Variants in SOX7 observed in about 807,000 individuals in gnomAD.
The protein encoded by SOX7 is transcription factor SOX-7.
SOX7 carries 19 observed loss-of-function variants against 24.9 expected under a neutral mutation model. The ratio of observed to expected loss-of-function variants is 0.76; its 90% CI spans 0.53 to 1.12. SOX7 has a LOEUF of 1.12. Among genes scored for constraint, SOX7 ranks in the 50% most tolerant of loss-of-function variants. The probability of loss-of-function intolerance (pLI) is 0.00; values close to 1 mark genes in which losing one functional copy is unlikely to be tolerated. For synonymous variants in SOX7, 327 were observed against 244.5 expected, an observed-to-expected ratio of 1.34 and a Z score of -3.15; for missense variants, 702 against 535.0, an observed-to-expected ratio of 1.31 and a Z score of -3.08.
rs1440668217 is a variant in SOX7 at position 10,725,686 on chromosome 8, A to G, written c.*52T>C. Reference sequence around the variant, plus strand: ...GGCTGGACGGCTCCTCTGCCACTCAAGGCACAAGAAGGAGAGGGCGCGAGG... The same window carrying G: ...GGCTGGACGGCTCCTCTGCCACTCAGGGCACAAGAAGGAGAGGGCGCGAGG... On this transcript the variant is annotated 3_prime_UTR_variant, in exon 2 of 2. Transcript: ENST00000304501. 5.8e-5 allele frequency: 93 copies of G among 1,593,112 alleles called. No homozygotes were observed. The highest frequency in any genetic ancestry group is 8.4e-5 in the Admixed American group (5 of 59,702).
rs770335483 is a variant in SOX7 at position 10,726,533 on chromosome 8, C to A, written c.372G>T (p.Arg124=). 1.2e-6 allele frequency: 2 copies of A among 1,612,456 alleles called. No homozygotes were observed. The highest frequency in any genetic ancestry group is 2.2e-5 in the East Asian group (1 of 44,870). The change falls in exon 2 of 2, where the codon CGG becomes CGT. Residue 124 remains arginine (R), a synonymous_variant. Transcript: ENST00000304501. ...YRPRRKKQAK[R]LCKRVDPGFL... ...AGCCCGGGTCCACGCGCTTGCACAG[C>A]CGCTTGGCCTGCTTCTTCCTGCGCG...
rs1414834208 is a variant in SOX7 at position 10,725,365 on chromosome 8, C to T, written c.*373G>A. 6 of 253,374 alleles carry T rather than the reference C, an allele frequency of 2.4e-5. No individual in the cohort carries two copies. In the East Asian group the frequency reaches 5.2e-4, roughly 22 times the overall value. The allele number at this position is 253,374 out of a possible 1,614,324, so 15.7% of individuals were successfully genotyped here. On this transcript the variant is annotated 3_prime_UTR_variant, in exon 2 of 2. Coordinates refer to ENST00000304501, the MANE Select transcript of SOX7 (RefSeq NM_031439.4). ...TTCCTTTATTAATCTTGAGAGAACC[C>T]TAAATCAGAAAACTGGACCAGAAGG...
At chr8:10,729,091 A>G (rs976332538) in intron 1 of SOX7, among the ~76,000 whole-genome samples, 6 of 152,202 alleles carry the variant, frequency 3.9e-5, no homozygotes, top group African/African-American at 1.4e-4. Flanking sequence ...ACTGCTTTGC[A>G]CAGCAGCTAA....
rs1456928797 is a variant in SOX7, at chr8:10,726,213, G to A, written c.692C>T (p.Pro231Leu). Reference sequence around the variant, plus strand: ...CCCTGGCAGGTGGGGGATGCGGCGGGGATGGCCATGCTCCTCCTGGCAGGG... The same window carrying A: ...CCCTGGCAGGTGGGGGATGCGGCGGAGATGGCCATGCTCCTCCTGGCAGGG... ...SSPCQEEHGH[P>L]RRIPHLPGHP... The change falls in exon 2 of 2, where the codon CCC becomes CTC. Residue 231 changes from proline (P) to leucine (L), a missense_variant. Coordinates refer to ENST00000304501, the MANE Select transcript of SOX7 (RefSeq NM_031439.4). 1.2e-6 allele frequency: 2 copies of A among 1,612,196 alleles called. No individual in the cohort carries two copies. The highest frequency in any genetic ancestry group is 8.5e-7 in the Non-Finnish European group (1 of 1,178,812).
chr8:10,729,387 A>C (rs1376041234), intron 1 of SOX7: 1 of 152,232 alleles, frequency 6.6e-6, no homozygotes, highest in Non-Finnish European at 1.5e-5. Flanking sequence ...AAAGGCAAAG[A>C]AGGCAGGGTT....
Position 10,727,927 on chromosome 8 carries a change from G to A in SOX7, c.239-1261C>T, listed in dbSNP as rs1387208065. ...CAGTGCCTCCGTTGACTGGCTCCTT[G>A]GGCCAGGGGCTCAGAGCCAGGGGAG... On this transcript the variant is annotated intron_variant, in intron 1 of 1. Transcript: ENST00000304501. Among the ~76,000 whole-genome samples the A allele has an allele frequency of 2.0e-5, 3 of 152,246 alleles. No homozygotes were observed. In the South Asian group the frequency reaches 6.2e-4, roughly 32 times the overall value.
chr8:10,730,173 C>A lies in SOX7; in HGVS notation c.238+23G>T, dbSNP rs778205959. ...CGCCGCCCGCCCCCGGCCCCCAGCC[C>A]GCTCGGCCGCGCGCTCACTCACCCA... On this transcript the variant is annotated intron_variant, in intron 1 of 1. Coordinates refer to ENST00000304501, the MANE Select transcript of SOX7 (RefSeq NM_031439.4). This position sits in a 1 kb window ranked among gnomAD's most constrained non-coding sequence, Gnocchi z 4.8. The A allele has an allele frequency of 2.0e-6, 3 of 1,487,720 alleles. No individual in the cohort carries two copies. Among genetic ancestry groups the A allele is most frequent in the Non-Finnish European group, 2.7e-6 (3 of 1,124,594 alleles). The allele number at this position is 1,487,720 out of a possible 1,614,324, so 92.2% of individuals were successfully genotyped here.
chr8:10,727,824 G>T (rs539097279), intron 1 of SOX7, among the ~76,000 whole-genome samples: 1 of 152,334 alleles, frequency 6.6e-6, no homozygotes, highest in African/African-American at 2.4e-5. Flanking sequence ...AGAGGTTAAG[G>T]CCTAAGGAAA....
Position 10,725,677 on chromosome 8 carries a change from T to C in SOX7, c.*61A>G, listed in dbSNP as rs2129062846. ...AGCTGGTGTGGCTGGACGGCTCCTC[T>C]GCCACTCAAGGCACAAGAAGGAGAG... On this transcript the variant is annotated 3_prime_UTR_variant, in exon 2 of 2. Transcript: ENST00000304501. The C allele has an allele frequency of 1.3e-6, 2 of 1,579,278 alleles. No individual in the cohort carries two copies. Among genetic ancestry groups the C allele is most frequent in the South Asian group, 2.2e-5 (2 of 89,394 alleles).
rs28438834 is a variant in SOX7, at chr8:10,730,453, C to G, written c.-20G>C. 6 of 1,435,168 alleles carry G rather than the reference C, an allele frequency of 4.2e-6. No homozygotes were observed. The highest frequency in any genetic ancestry group is 2.9e-5 in the South Asian group (2 of 68,172). The allele number at this position is 1,435,168 out of a possible 1,614,324, so 88.9% of individuals were successfully genotyped here. ...AGCCATGGCCGCACGCGGGTCGCCTCGCTTCGCCTGGCGGGGCAGGCGCGG... is the reference window on the plus strand; with the variant it reads ...AGCCATGGCCGCACGCGGGTCGCCTGGCTTCGCCTGGCGGGGCAGGCGCGG... On this transcript the variant is annotated 5_prime_UTR_variant, in exon 1 of 2. Coordinates refer to ENST00000304501, the MANE Select transcript of SOX7 (RefSeq NM_031439.4). The surrounding 1 kb of genome is among the most constrained non-coding windows in gnomAD (Gnocchi z 4.8).
Position 10,725,111 on chromosome 8 carries a change from T to G in SOX7, c.*627A>C, listed in dbSNP as rs1800115102. On this transcript the variant is annotated 3_prime_UTR_variant, in exon 2 of 2. Transcript: ENST00000304501. ...TTTAAAATGTATATTTAAAATAAAA[T>G]AGTTTTAACTCAATCCCATTTTCTG... 6.5e-6 allele frequency: 1 copy of G among 153,046 alleles called. No homozygotes were observed. The highest frequency in any genetic ancestry group is 6.5e-5 in the Admixed American group (1 of 15,426). 9.5% of individuals were successfully genotyped at this position (153,046 alleles called of 1,614,324 possible).
In SOX7 at chr8:10,725,654, C is replaced by A; in HGVS notation, c.*84G>T. The A allele has an allele frequency of 6.9e-7, 1 of 1,452,736 alleles. No individual in the cohort carries two copies. Among genetic ancestry groups the A allele is most frequent in the South Asian group, 1.2e-5 (1 of 82,584 alleles). 90.0% of individuals were successfully genotyped at this position (1,452,736 alleles called of 1,614,324 possible). A position where few individuals can be genotyped will look rare whatever the true frequency, so the allele number is the denominator to read the frequency against. On this transcript the variant is annotated 3_prime_UTR_variant, in exon 2 of 2. Transcript: ENST00000304501. ...CCTGCCCTGAGCGGTGGGAGGAAAGCTGGTGTGGCTGGACGGCTCCTCTGC... is the reference window on the plus strand; with the variant it reads ...CCTGCCCTGAGCGGTGGGAGGAAAGATGGTGTGGCTGGACGGCTCCTCTGC...
intron 1 of SOX7, among the ~76,000 whole-genome samples, chr8:10,728,214 A>G (rs1800192660): frequency 1.3e-5 from 2 of 152,218 alleles, no homozygotes; most frequent in African/African-American, 2.4e-5. Context: ...CCTGGATGTT[A>G]TATAACTAAT....
In SOX7 at chr8:10,726,247, A is replaced by T. The variant is rs752109286; in HGVS notation, c.658T>A (p.Phe220Ile). Residue 220 changes from phenylalanine (F) to isoleucine (I), a missense_variant, in exon 2 of 2, where the codon TTC becomes ATC. Physicochemically the swap from Phe to Ile is conservative, Grantham distance 21. Coordinates refer to ENST00000304501, the MANE Select transcript of SOX7 (RefSeq NM_031439.4). ...TGCTCCTCCTGGCAGGGGGAGGAGA[A>T]GAAGGTCTGCTCCGGCTCCAGCACG... Reference protein sequence around the residue: ...LDVLEPEQTFFSSPCQEEHGH... With the variant: ...LDVLEPEQTFISSPCQEEHGH... 6.2e-7 allele frequency: 1 copy of T among 1,613,752 alleles called. No individual in the cohort carries two copies. Among genetic ancestry groups the T allele is most frequent in the South Asian group, 1.1e-5 (1 of 91,066 alleles).
intron 1 of SOX7, chr8:10,729,499 G>A (rs546122259): frequency 6.6e-6 from 1 of 152,278 alleles, no homozygotes; most frequent in Non-Finnish European, 1.5e-5. Flanking sequence ...CTTGGACCTG[G>A]TGAGTCCGTG....
intron 1 of SOX7, among the ~76,000 whole-genome samples, chr8:10,728,485 T>C (rs774243660): frequency 1.3e-5 from 2 of 152,200 alleles, no homozygotes; most frequent in Admixed American, 6.5e-5. Flanking sequence ...CAAGTCCATA[T>C]TGTGAAAAGC....
rs749906964 is a variant in SOX7 at position 10,725,821 on chromosome 8, G to T, written c.1084C>A (p.Pro362Thr). The change falls in exon 2 of 2, where the codon CCA (proline) becomes ACA (threonine). Residue 362 changes from proline to threonine, a missense_variant. Physicochemically the swap from Pro to Thr is conservative, Grantham distance 38. Coordinates refer to ENST00000304501, the MANE Select transcript of SOX7 (RefSeq NM_031439.4). ...AGGCTGGTCTCTGTGGGACCCGTTG[G>T]TGTCACCTGGGAGACCGGAACATGC... ...SGHVPVSQVTPTGPTETSLIS... is the reference protein window; with the variant it reads ...SGHVPVSQVTTTGPTETSLIS... 2 of 1,614,238 alleles carry T rather than the reference G, an allele frequency of 1.2e-6. No individual in the cohort carries two copies. Among genetic ancestry groups the T allele is most frequent in the South Asian group, 2.2e-5 (2 of 91,080 alleles).
rs1190726090 is a variant in SOX7, at chr8:10,725,529, G to A, written c.*209C>T. 1.7e-6 allele frequency: 1 copy of A among 596,118 alleles called. No individual in the cohort carries two copies. Among genetic ancestry groups the A allele is most frequent in the African/African-American group, 1.9e-5 (1 of 53,704 alleles). 36.9% of individuals were successfully genotyped at this position (596,118 alleles called of 1,614,324 possible). ...ACTTGAAGGAATATACTTAAAATGT[G>A]GGCTGCAGGGGCTGGAACGTGGGGA... is the stretch of plus-strand genomic sequence containing the variant. On this transcript the variant is annotated 3_prime_UTR_variant, in exon 2 of 2. Coordinates refer to ENST00000304501, the MANE Select transcript of SOX7 (RefSeq NM_031439.4).
At position 10,724,414 on chromosome 8, in the gene SOX7, G is replaced by C. The variant is rs1403143066; in HGVS notation, c.*1324C>G. On this transcript the variant is annotated 3_prime_UTR_variant, in exon 2 of 2. Transcript: ENST00000304501. ...TCAGTTAGGGACCAGTTCAGCAGTG[G>C]AGGAAGAGCAGAAAGAAGAGAAAAA... 12 of 152,446 alleles carry C rather than the reference G, an allele frequency of 7.9e-5. No homozygotes were observed. Among genetic ancestry groups the C allele is most frequent in the African/African-American group, 2.9e-4 (12 of 41,578 alleles). The allele number at this position is 152,446 out of a possible 1,614,324, so 9.4% of individuals were successfully genotyped here.
Sources: allele counts gnomAD v4.1 joint callset (sites outside exome capture counted in the v4.1 genomes callset), GRCh38; gene constraint gnomAD v4.1.1; non-coding constraint Gnocchi (gnomAD v3.1); transcripts MANE v1.5; gene names NCBI Gene and HGNC (gene_info 2026-07-23, HGNC 2026-07-21).